Variants in PRSS36 observed in about 807,000 individuals in gnomAD.
PRSS36 encodes the protein serine protease 36.
A neutral mutation model predicts 94.3 loss-of-function variants in PRSS36; 90 were observed. That is an observed-to-expected ratio of 0.95 (90% CI 0.80 to 1.14). The LOEUF is 1.14. Ranked by LOEUF, PRSS36 falls within the 50% of genes most tolerant of loss-of-function variation. The pLI is 0.00. For synonymous variants in PRSS36, 500 were observed against 489.6 expected (o/e 1.02, Z -0.28); for missense variants, 1,158 against 1,135.0 (o/e 1.02, Z -0.29).
Position 31,148,416 on chromosome 16 carries a change from A to G in PRSS36, c.532T>C (p.Trp178Arg), listed in dbSNP as rs753678062. ...TCACCTGCCTCCTGGACGTCTCCCC[A>G]GCCGGTGGCCCAGCAGGCGGTGCCG... ...VHGTACWATGWGDVQEADPLP... is the reference protein window; with the variant it reads ...VHGTACWATGRGDVQEADPLP... Residue 178 changes from tryptophan (W) to arginine (R), a missense_variant, in exon 5 of 15, where the codon TGG (tryptophan) becomes CGG (arginine). Trp to Arg is a moderately radical substitution (Grantham distance 101). Transcript: ENST00000268281. The G allele has an allele frequency of 1.3e-6, 2 of 1,571,678 alleles. No individual in the cohort carries two copies. Among genetic ancestry groups the G allele is most frequent in the Non-Finnish European group, 1.7e-6 (2 of 1,167,532 alleles).
At position 31,140,389 on chromosome 16, in the gene PRSS36, A is replaced by G. The variant is rs769863225; in HGVS notation, c.2194T>C (p.Leu732=). Residue 732 remains leucine (L), a synonymous_variant, in exon 14 of 15, where the codon TTG becomes CTG. Coordinates refer to ENST00000268281, the MANE Select transcript of PRSS36 (RefSeq NM_173502.5). ...RVPVAAAVSI[L]TQRICDCLYQ... ...AGGCAGTCACAGATTCGTTGTGTCAAGATGGAGACAGCAGCAGCCACAGGG... is the reference window on the plus strand; with the variant it reads ...AGGCAGTCACAGATTCGTTGTGTCAGGATGGAGACAGCAGCAGCCACAGGG... 5 of 1,613,916 alleles carry G rather than the reference A, an allele frequency of 3.1e-6. No homozygotes were observed. The highest frequency in any genetic ancestry group is 1.3e-5 in the African/African-American group (1 of 74,894).
chr16:31,146,090 A>G, intron 5 of PRSS36, 135 bp from the exon 6 acceptor site: 1 of 717,500 alleles, frequency 1.4e-6, no homozygotes, highest in Non-Finnish European at 2.2e-6. Flanking sequence ...CACCACATTC[A>G]CCACATCTCC....
At chr16:31,147,780 AAG>A (rs1307736498) in intron 5 of PRSS36, among the ~76,000 whole-genome samples, 2 of 152,122 alleles carry the variant, frequency 1.3e-5, no homozygotes, top group African/African-American at 2.4e-5. Flanking sequence ...GGGTAGGAAG[AAG>A]AGAGGAGGTG....
At chr16:31,149,257 G>A in intron 3 of PRSS36, 22 bp from the exon 4 acceptor site, 1 of 1,537,726 alleles carries the variant, frequency 6.5e-7, no homozygotes, top group Non-Finnish European at 8.8e-7. Context: ...AGCCGTGGAA[G>A]CCAAAGCTCC....
Position 31,142,790 on chromosome 16 carries a change from T to C in PRSS36, c.1304A>G (p.Glu435Gly), listed in dbSNP as rs199742102. Residue 435 changes from glutamate (E) to glycine (G), a missense_variant, in exon 9 of 15, where the codon GAA becomes GGA. By Grantham distance (98) the Glu-to-Gly change is moderately conservative (BLOSUM62 -2). Transcript: ENST00000268281. ...GCGGCTCCCGGGCAGGAAGTAGTGTTCCGGGTGGGGTAGGCACACGGGCCG... is the reference window on the plus strand; with the variant it reads ...GCGGCTCCCGGGCAGGAAGTAGTGTCCCGGGTGGGGTAGGCACACGGGCCG... Reference protein sequence around the residue: ...ASRPVCLPHPEHYFLPGSRCR... With the variant: ...ASRPVCLPHPGHYFLPGSRCR... 2.5e-3 allele frequency: 3,664 copies of C among 1,486,788 alleles called. 15 individuals carry two copies. Among genetic ancestry groups the C allele is most frequent in the Non-Finnish European group, 2.1e-3 (2,392 of 1,116,682 alleles). The allele number at this position is 1,486,788 out of a possible 1,614,324, so 92.1% of individuals were successfully genotyped here. A position where few individuals can be genotyped will look rare whatever the true frequency, so the allele number is the denominator to read the frequency against.
rs1172392994 is a variant in PRSS36 at position 31,143,962 on chromosome 16, C to G, written c.721-125G>C. 12 of 1,219,888 alleles carry G rather than the reference C, an allele frequency of 9.8e-6. No individual in the cohort carries two copies. In the South Asian group the frequency reaches 1.0e-4, roughly 10 times the overall value. The allele number at this position is 1,219,888 out of a possible 1,614,324, so 75.6% of individuals were successfully genotyped here. A position where few individuals can be genotyped will look rare whatever the true frequency, so the allele number is the denominator to read the frequency against. On this transcript the variant is annotated intron_variant, in intron 6 of 14. Coordinates refer to ENST00000268281, the MANE Select transcript of PRSS36 (RefSeq NM_173502.5). ...TCCTAGAAACCCTCCTTGGCTAGGC[C>G]TTGTCCTCTGCATTCCCTGCGGCTC... is the stretch of plus-strand genomic sequence containing the variant.
Position 31,148,646 on chromosome 16 carries a change from C to T in PRSS36, c.302G>A (p.Trp101Ter), listed in dbSNP as rs2057840400. 2 of 1,612,532 alleles carry T rather than the reference C, an allele frequency of 1.2e-6. No individual in the cohort carries two copies. The highest frequency in any genetic ancestry group is 1.7e-6 in the Non-Finnish European group (2 of 1,179,740). The change falls in exon 5 of 15, where the codon TGG (tryptophan) becomes TAG (stop). Residue 101 changes from tryptophan (W) to a stop codon, truncating the protein, a stop_gained. Coordinates refer to ENST00000268281, the MANE Select transcript of PRSS36 (RefSeq NM_173502.5). LOFTEE classifies it high-confidence loss of function. ...GGAGTGCACGCCCAGCAGTACCGAC[C>T]ACTCGGCCGCGGGCTCCAGCGTCCC... is the stretch of plus-strand genomic sequence containing the variant. ...TNGTLEPAAE[W>*]SVLLGVHSQD...
chr16:31,148,696 A>T (rs1026144699), intron 4 of PRSS36, 21 bp from the exon 5 acceptor site: 1 of 1,610,904 alleles, frequency 6.2e-7, no homozygotes, highest in African/African-American at 1.3e-5. Flanking sequence ...CCGGGGCAGT[A>T]GGAGGTTAGG....
rs369709319 is a variant in PRSS36, at chr16:31,139,195, C to T, written c.2511G>A (p.Ser837=). The change falls in exon 15 of 15, where the codon TCG becomes TCA. Residue 837 remains serine (S), a synonymous_variant. Coordinates refer to ENST00000268281, the MANE Select transcript of PRSS36 (RefSeq NM_173502.5). ...GGAAGTAGACTGCATGCGGGGATCC[C>T]GAGGCCTTGGCCAGTTCTGGGGGGC... ...NLCPPELAKA[S]GSPHAVYFLL... 4 of 1,607,744 alleles carry T rather than the reference C, an allele frequency of 2.5e-6. No homozygotes were observed. The highest frequency in any genetic ancestry group is 2.2e-5 in the South Asian group (2 of 90,684).
chr16:31,149,537 C>T (rs749363823), intron 2 of PRSS36, 39 bp from the exon 3 acceptor site: 1 of 1,613,436 alleles, frequency 6.2e-7, no homozygotes, highest in Non-Finnish European at 8.5e-7. Context: ...ACACTTGTGA[C>T]TTCCAGGCCT....
rs544214405 is a variant in PRSS36, at chr16:31,142,038, C to T, written c.1522-78G>A. 87 of 1,290,668 alleles carry T rather than the reference C, an allele frequency of 6.7e-5. No homozygotes were observed. The African/African-American group carries it at 1.1e-3, about 17-fold the overall frequency. 80.0% of individuals were successfully genotyped at this position (1,290,668 alleles called of 1,614,324 possible). A position where few individuals can be genotyped will look rare whatever the true frequency, so the allele number is the denominator to read the frequency against. ...TCAGAGCTCCTGGGGCTTTCCAGGA[C>T]TCCAGATTTTCCCATTTGCGGAAGT... is the stretch of plus-strand genomic sequence containing the variant. On this transcript the variant is annotated intron_variant, in intron 10 of 14. Coordinates refer to ENST00000268281, the MANE Select transcript of PRSS36 (RefSeq NM_173502.5).
At chr16:31,142,291 G>C (rs1257146186) in intron 10 of PRSS36, among the ~76,000 whole-genome samples, 190 bp downstream of exon 10, 1 of 123,482 alleles carries the variant, frequency 8.1e-6, no homozygotes, top group Non-Finnish European at 1.7e-5. Flanking sequence ...CGCAAGCCCC[G>C]CCCCTTCCTA....
chr16:31,144,886 G>A (rs1028466898), intron 6 of PRSS36, among the ~76,000 whole-genome samples: 9 of 151,938 alleles, frequency 5.9e-5, no homozygotes, highest in Non-Finnish European at 7.4e-5. Context: ...TCGGGAGTTC[G>A]AGACCAGCCT....
Position 31,142,955 on chromosome 16 carries a change from G to C in PRSS36, c.1139C>G (p.Ala380Gly). The part of the protein sequence containing the change: ...SSDSPPRDLD[A>G]WRVLLPSRPR... ...GCGCGAGGGCAGCAGCACGCGCCAG[G>C]CGTCGAGGTCGCGGGGTGGGCTGTC... Residue 380 changes from alanine (A) to glycine (G), a missense_variant, in exon 9 of 15, where the codon GCC (alanine) becomes GGC (glycine). By Grantham distance (60) the Ala-to-Gly change is moderately conservative. Coordinates refer to ENST00000268281, the MANE Select transcript of PRSS36 (RefSeq NM_173502.5). The C allele has an allele frequency of 6.9e-7, 1 of 1,445,006 alleles. No homozygotes were observed. Among genetic ancestry groups the C allele is most frequent in the Non-Finnish European group, 9.1e-7 (1 of 1,104,646 alleles). The allele number at this position is 1,445,006 out of a possible 1,614,324, so 89.5% of individuals were successfully genotyped here.
chr16:31,141,168 C>T (rs1203911729), intron 12 of PRSS36, among the ~76,000 whole-genome samples: 3 of 152,098 alleles, frequency 2.0e-5, no homozygotes, highest in African/African-American at 7.2e-5. Flanking sequence ...ATGATCTGCC[C>T]GCCTCGGCCT....
At chr16:31,140,160 C>A in intron 14 of PRSS36, 134 bp downstream of exon 14, 1 of 963,824 alleles carries the variant, frequency 1.0e-6, no homozygotes, top group Non-Finnish European at 1.4e-6. Context: ...CACTGCACTC[C>A]AGCTGGGGGA....
Position 31,142,491 on chromosome 16 carries a change from C to A in PRSS36, c.1511G>T (p.Gly504Val). The change falls in exon 10 of 15, where the codon GGC (glycine) becomes GTC (valine). Residue 504 changes from glycine to valine, a missense_variant. Physicochemically the swap from Gly to Val is moderately radical, Grantham distance 109. Coordinates refer to ENST00000268281, the MANE Select transcript of PRSS36 (RefSeq NM_173502.5). ...GCCCCCGCCGCTTACCCAGCAGCTG[C>A]CCACCTCCTCCTTTTCCTGGTAGGC... ...CPAYQEKEEV[G>V]SCWNDSRWSL... is the part of the protein sequence containing the mutation. 1.4e-6 allele frequency: 2 copies of A among 1,481,148 alleles called. No individual in the cohort carries two copies. Among genetic ancestry groups the A allele is most frequent in the Non-Finnish European group, 1.8e-6 (2 of 1,117,546 alleles). The allele number at this position is 1,481,148 out of a possible 1,614,324, so 91.8% of individuals were successfully genotyped here.
chr16:31,142,090 A>G, intron 10 of PRSS36, 130 bp from the exon 11 acceptor site: 7 of 745,188 alleles, frequency 9.4e-6, no homozygotes, highest in Non-Finnish European at 1.6e-5. Context: ...TCCAAATCAG[A>G]CTCCAAATAC....
At chr16:31,139,439 C>A (rs757916700) in intron 14 of PRSS36, 23 bp from the exon 15 acceptor site, 1 of 1,602,074 alleles carries the variant, frequency 6.2e-7, no homozygotes, top group Admixed American at 1.7e-5. Flanking sequence ...AGCGAGGCCA[C>A]GTGGGTCTGC....
Sources: allele counts gnomAD v4.1 joint callset (sites outside exome capture counted in the v4.1 genomes callset), GRCh38; gene constraint gnomAD v4.1.1; transcripts MANE v1.5; gene names NCBI Gene and HGNC (gene_info 2026-07-23, HGNC 2026-07-21).